Variants in SEH1L observed in about 807,000 individuals in gnomAD.
SEH1L encodes SEH1 like nucleoporin.
A neutral mutation model predicts 49.5 loss-of-function variants in SEH1L; 18 were observed. That is an observed-to-expected ratio of 0.36 (90% CI 0.25 to 0.54). The LOEUF (loss-of-function observed/expected upper bound fraction) is 0.54. SEH1L is among the 20% of genes least tolerant of loss of function. The pLI is 0.87. For synonymous variants in SEH1L, 169 were observed against 178.1 expected, an observed-to-expected ratio of 0.95 and a Z score of 0.41; for missense variants, 404 against 528.8, an observed-to-expected ratio of 0.76 and a Z score of 2.31.
intron 3 of SEH1L, among the ~76,000 whole-genome samples, chr18:12,956,746 G>T (rs1332076927): frequency 2.0e-5 from 3 of 150,092 alleles, no homozygotes; most frequent in African/African-American, 7.4e-5. Context: ...ACTACTTCCA[G>T]TGCTGATAGT....
rs570714005 is a variant in SEH1L at position 12,980,865 on chromosome 18, G to C, written c.762-1653G>C. Among the ~76,000 whole-genome samples, 303 of 143,356 alleles carry C rather than the reference G, an allele frequency of 2.1e-3. 5 individuals carry two copies. Among genetic ancestry groups the C allele is most frequent in the African/African-American group, 7.5e-3 (290 of 38,622 alleles). 94.0% of individuals were successfully genotyped at this position (143,356 alleles called of 152,430 possible). A position where few individuals can be genotyped will look rare whatever the true frequency, so the allele number is the denominator to read the frequency against. ...TTCCGGACGGGGCGGCTGGCCGGGC[G>C]GGGGGCTGACCCCCCCCACCTCCCT... On this transcript the variant is annotated intron_variant, in intron 6 of 8. Coordinates refer to ENST00000399892, the MANE Select transcript of SEH1L (RefSeq NM_001013437.2).
intron 8 of SEH1L, 152 bp downstream of exon 8, chr18:12,984,342 T>G: frequency 1.2e-6 from 1 of 806,366 alleles, no homozygotes; most frequent in Non-Finnish European, 2.0e-6. Context: ...TTGTTAGCTA[T>G]GTATTTGGCT....
At chr18:12,967,291 G>C (rs1036459528) in intron 4 of SEH1L, among the ~76,000 whole-genome samples, 1 of 152,080 alleles carries the variant, frequency 6.6e-6, no homozygotes, top group Non-Finnish European at 1.5e-5. Context: ...GTTGTTGATT[G>C]ACTAACATTG....
chr18:12,980,071 C>A (rs1209003670), intron 6 of SEH1L, among the ~76,000 whole-genome samples: 4 of 88,118 alleles, frequency 4.5e-5, no homozygotes, highest in Admixed American at 1.1e-4. Flanking sequence ...GGCGGCTGGC[C>A]GGGCGGGGGG....
chr18:12,963,097 C>A, intron 3 of SEH1L, 63 bp from the exon 4 acceptor site: 2 of 1,236,174 alleles, frequency 1.6e-6, no homozygotes, highest in Non-Finnish European at 2.3e-6. Flanking sequence ...GTCTGTGTGT[C>A]TTTTCCACTC....
At chr18:12,962,532 A>G (rs1401051155) in intron 3 of SEH1L, among the ~76,000 whole-genome samples, 1 of 117,184 alleles carries the variant, frequency 8.5e-6, no homozygotes, top group Non-Finnish European at 1.6e-5. Flanking sequence ...CAGTGGTGCG[A>G]TCTTTGCTCA....
Position 12,982,525 on chromosome 18 carries a change from C to G in SEH1L, c.769C>G (p.Leu257Val), listed in dbSNP as rs778941220. The change falls in exon 7 of 9, where the codon CTG (leucine) becomes GTG (valine). Residue 257 changes from leucine to valine, a missense_variant. Physicochemically the swap from Leu to Val is conservative, Grantham distance 32. Transcript: ENST00000399892. Reference sequence around the variant, plus strand: ...AATGTTTTTTATTAACAGGAAAGAACTGACTTCCTCTGGTGGGCCAACAAA... The same window carrying G: ...AATGTTTTTTATTAACAGGAAAGAAGTGACTTCCTCTGGTGGGCCAACAAA... ...IFTLKPVRKE[L>V]TSSGGPTKFE... 8.7e-6 allele frequency: 14 copies of G among 1,607,112 alleles called. No individual in the cohort carries two copies. The highest frequency in any genetic ancestry group is 1.2e-5 in the Non-Finnish European group (14 of 1,178,012).
At position 12,986,855 on chromosome 18, in the gene SEH1L, G is replaced by C. The variant is rs2032481755; in HGVS notation, c.1071-7G>C. The C allele has an allele frequency of 7.1e-7, 1 of 1,406,974 alleles. No homozygotes were observed. Among genetic ancestry groups the C allele is most frequent in the Non-Finnish European group, 9.3e-7 (1 of 1,072,516 alleles). 87.2% of individuals were successfully genotyped at this position (1,406,974 alleles called of 1,614,324 possible). ...TTGGTGTTTTGTTCCTGTCTTCATT[G>C]TTTCAGGTATTTCTTTACCCCTCTG... On this transcript the variant is annotated splice_region_variant and splice_polypyrimidine_tract_variant and intron_variant, in intron 8 of 8. Coordinates refer to ENST00000399892, the MANE Select transcript of SEH1L (RefSeq NM_001013437.2).
intron 5 of SEH1L, among the ~76,000 whole-genome samples, chr18:12,975,492 G>C (rs776291342): frequency 6.6e-6 from 1 of 151,830 alleles, no homozygotes; most frequent in Non-Finnish European, 1.5e-5. Context: ...GATGATGTTT[G>C]AGCATGAATC....
intron 4 of SEH1L, among the ~76,000 whole-genome samples, chr18:12,963,592 C>G (rs757145910): frequency 6.6e-6 from 1 of 152,216 alleles, no homozygotes; most frequent in Admixed American, 6.5e-5. Context: ...TGGATGTTTT[C>G]TATGCATATG....
rs114273038 is a variant in SEH1L at position 12,952,039 on chromosome 18, C to T, written c.162+134C>T. ...CCTGGGAAGACATTTTACTGTTTTTCGCTATTAAAGTAACAACTGTGTTTC... is the reference window on the plus strand; with the variant it reads ...CCTGGGAAGACATTTTACTGTTTTTTGCTATTAAAGTAACAACTGTGTTTC... On this transcript the variant is annotated intron_variant, in intron 2 of 8. Coordinates refer to ENST00000399892, the MANE Select transcript of SEH1L (RefSeq NM_001013437.2). 760 of 484,434 alleles carry T rather than the reference C, an allele frequency of 1.6e-3. 1 individual carries two copies. Among genetic ancestry groups the T allele is most frequent in the African/African-American group, 0.014 (668 of 49,002 alleles). The allele number at this position is 484,434 out of a possible 1,614,324, so 30.0% of individuals were successfully genotyped here.
At chr18:12,967,387 TTCC>T (rs2031497193) in intron 4 of SEH1L, among the ~76,000 whole-genome samples, 1 of 152,224 alleles carries the variant, frequency 6.6e-6, no homozygotes, top group Non-Finnish European at 1.5e-5. Context: ...CATCCCAGCC[TTCC>T]TATGTTTAGG....
At chr18:12,962,521 G>A (rs2031236625) in intron 3 of SEH1L, among the ~76,000 whole-genome samples, 1 of 127,156 alleles carries the variant, frequency 7.9e-6, no homozygotes, top group East Asian at 2.4e-4. Flanking sequence ...AGGCTGGAGT[G>A]CAGTGGTGCG....
At chr18:12,971,306 AT>A in intron 5 of SEH1L, 55 bp downstream of exon 5, 1 of 1,148,698 alleles carries the variant, frequency 8.7e-7, no homozygotes, top group Non-Finnish European at 1.3e-6. Flanking sequence ...ATTTTTTAAA[AT>A]GTTATTTCTT....
At chr18:12,986,419 A>G (rs1276389117) in intron 8 of SEH1L, 2 of 985,816 alleles carry the variant, frequency 2.0e-6, no homozygotes, top group Non-Finnish European at 2.4e-6. Flanking sequence ...TATTCCCAGT[A>G]TCATGTACGC....
At chr18:12,986,606 T>C in intron 8 of SEH1L, 1 of 1,065,934 alleles carries the variant, frequency 9.4e-7, no homozygotes. Context: ...TTTTTAACAT[T>C]TTAAGTTTAA....
At chr18:12,951,158 C>T (rs1335018024) in intron 1 of SEH1L, among the ~76,000 whole-genome samples, 1 of 152,210 alleles carries the variant, frequency 6.6e-6, no homozygotes, top group Admixed American at 6.5e-5. Flanking sequence ...AGTCTCAGGA[C>T]AGACGTTTCC....
At chr18:12,986,097 T>C (rs1397367863) in intron 8 of SEH1L, 2 of 984,944 alleles carry the variant, frequency 2.0e-6, no homozygotes, top group African/African-American at 3.5e-5. Flanking sequence ...TTTACTAAAA[T>C]TGTGCATGTA....
intron 5 of SEH1L, 150 bp from the exon 6 acceptor site, chr18:12,978,602 A>T: frequency 1.7e-6 from 1 of 603,814 alleles, no homozygotes; most frequent in South Asian, 2.2e-5. Flanking sequence ...CAGGACTTGG[A>T]CATATTCTTT....
Sources: gnomAD v4.1 joint callset for allele counts (sites outside exome capture counted in the v4.1 genomes callset) on GRCh38, gnomAD v4.1.1 for gene constraint, MANE v1.5 for transcripts, NCBI Gene and HGNC (gene_info 2026-07-23, HGNC 2026-07-21) for gene names.